DAB1: variants seen among roughly 807,000 people sequenced by gnomAD.
DAB1 encodes DAB adaptor protein 1.
DAB1 carries 15 observed loss-of-function variants against 64.6 expected under a neutral mutation model. The ratio of observed to expected loss-of-function variants is 0.23; its 90% CI spans 0.16 to 0.36. The LOEUF is 0.36. DAB1 is among the 10% of genes least tolerant of loss of function. The pLI is 1.00. For missense variants in DAB1, 596 were observed against 706.7 expected, an observed-to-expected ratio of 0.84 and a Z score of 1.78; for synonymous variants, 235 against 251.9, an observed-to-expected ratio of 0.93 and a Z score of 0.64.
At chr1:58,233,303 A>G (rs1271212978) in intron 4 of DAB1, among the ~76,000 whole-genome samples, 1 of 152,206 alleles carries the variant, frequency 6.6e-6, no homozygotes, top group African/African-American at 2.4e-5. Flanking sequence ...CTTGATGAGT[A>G]GGTATCATTA....
chr1:58,357,184 A>T (rs1644120220), intron 3 of DAB1, among the ~76,000 whole-genome samples: 1 of 152,124 alleles, frequency 6.6e-6, no homozygotes. Flanking sequence ...AGTGGAAGTG[A>T]ATAGAAGTGA....
At chr1:58,300,869 A>G (rs1306857264) in intron 4 of DAB1, among the ~76,000 whole-genome samples, 3 of 152,108 alleles carry the variant, frequency 2.0e-5, no homozygotes, top group African/African-American at 7.2e-5. Context: ...TCCCGCCCAC[A>G]TGCACTCTGT....
At chr1:58,078,364 G>T (rs1216617199) in intron 5 of DAB1, among the ~76,000 whole-genome samples, 1 of 152,176 alleles carries the variant, frequency 6.6e-6, no homozygotes, top group African/African-American at 2.4e-5. Flanking sequence ...TCTAGAAAAT[G>T]GGGATAATTG....
chr1:57,088,392 G>A (rs1653309507), intron 4 of DAB1, among the ~76,000 whole-genome samples: 1 of 152,158 alleles, frequency 6.6e-6, no homozygotes, highest in African/African-American at 2.4e-5. Context: ...GAGTTTCTAA[G>A]AGATCAAAGC....
intron 5 of DAB1, among the ~76,000 whole-genome samples, chr1:58,010,532 C>T (rs570514816): frequency 1.2e-3 from 179 of 152,264 alleles, no homozygotes; most frequent in African/African-American, 3.8e-3. Context: ...AAAAATCTAG[C>T]GCATTTCCCA....
chr1:57,357,891 G>T (rs11207017), intron 1 of DAB1, among the ~76,000 whole-genome samples: 79,984 of 151,682 alleles, frequency 0.53, 21,907 homozygotes, highest in African/African-American at 0.59. Flanking sequence ...ATCCCTCCCC[G>T]AACACATGGG....
chr1:57,723,315 C>A (rs1415450846), intron 6 of DAB1, among the ~76,000 whole-genome samples: 1 of 152,196 alleles, frequency 6.6e-6, no homozygotes, highest in African/African-American at 2.4e-5. Context: ...CAAATGTCAG[C>A]TATTACATGT....
chr1:57,947,688 C>T (rs1645204510), intron 5 of DAB1, among the ~76,000 whole-genome samples: 1 of 152,104 alleles, frequency 6.6e-6, no homozygotes, highest in Non-Finnish European at 1.5e-5. Flanking sequence ...GAACTAAGGC[C>T]CTCAGTGTGC....
At chr1:57,453,251 T>C (rs1245498537) in intron 7 of DAB1, among the ~76,000 whole-genome samples, 1 of 152,204 alleles carries the variant, frequency 6.6e-6, no homozygotes, top group African/African-American at 2.4e-5. Flanking sequence ...AAAGTTTATA[T>C]TCAGTTCCAC....
At chr1:57,651,572 T>C (rs576400649) in intron 6 of DAB1, among the ~76,000 whole-genome samples, 1 of 152,314 alleles carries the variant, frequency 6.6e-6, no homozygotes, top group East Asian at 1.9e-4. Context: ...TAGGTAACTT[T>C]GAACAATTTA....
In DAB1 at chr1:58,495,023, C is replaced by T. The variant is rs533215605; in HGVS notation, n.257+11037G>A. Among the ~76,000 whole-genome samples the T allele has an allele frequency of 2.1e-3, 312 of 152,194 alleles. 1 individual carries two copies. The highest frequency in any genetic ancestry group is 6.3e-3 in the African/African-American group (262 of 41,526). On this transcript the variant is annotated intron_variant and non_coding_transcript_variant, in intron 3 of 20. Transcript: ENST00000485760. ...AGCAAAGACTTGGAACCAACCCAAACGTCCAACAATGATAGACTGGATTAA... is the reference window on the plus strand; with the variant it reads ...AGCAAAGACTTGGAACCAACCCAAATGTCCAACAATGATAGACTGGATTAA...
chr1:57,336,979 A>G (rs1677130532), intron 1 of DAB1, among the ~76,000 whole-genome samples: 1 of 152,110 alleles, frequency 6.6e-6, no homozygotes, highest in African/African-American at 2.4e-5. Flanking sequence ...CAGCTCCTCT[A>G]GGTAGTACTC....
At chr1:57,229,276 C>T (rs1056950688) in intron 2 of DAB1, among the ~76,000 whole-genome samples, 9 of 151,406 alleles carry the variant, frequency 5.9e-5, no homozygotes, top group Non-Finnish European at 8.8e-5. Flanking sequence ...TCACTGCAAC[C>T]TCGACCTCCC....
rs1398588797 is a variant in DAB1, at chr1:57,984,190, AAG to A, written n.388-100030_388-100029del. Among the ~76,000 whole-genome samples, 48 of 50,898 alleles carry A rather than the reference AAG, an allele frequency of 9.4e-4. 2 individuals are homozygous for A. Among genetic ancestry groups the A allele is most frequent in the African/African-American group, 1.7e-3 (30 of 17,752 alleles). 33.4% of individuals were successfully genotyped at this position (50,898 alleles called of 152,430 possible). Reference sequence around the variant, plus strand: ...GCCCAGGACTAGCTTAAAAAAAAGAAAGAAAGAAAGAAAGAAAGAAAGAAAGA... The same window carrying A: ...GCCCAGGACTAGCTTAAAAAAAAGAAAAAGAAAGAAAGAAAGAAAGAAAGA... On this transcript the variant is annotated intron_variant and non_coding_transcript_variant, in intron 5 of 20. Transcript: ENST00000485760.
At chr1:57,682,716 G>C (rs1448272431) in intron 6 of DAB1, among the ~76,000 whole-genome samples, 4 of 152,104 alleles carry the variant, frequency 2.6e-5, no homozygotes, top group Admixed American at 6.5e-5. Context: ...CTTCAGCCAG[G>C]GTGTATGTAG....
chr1:57,820,226 C>A (rs570618174), intron 6 of DAB1, among the ~76,000 whole-genome samples: 1 of 152,154 alleles, frequency 6.6e-6, no homozygotes, highest in African/African-American at 2.4e-5. Flanking sequence ...TGAGAACATG[C>A]ACAATTGTCA....
At chr1:57,885,972 T>C (rs1289594105), upstream of DAB1, among the ~76,000 whole-genome samples, 4 of 152,218 alleles carry the variant, frequency 2.6e-5, no homozygotes, top group African/African-American at 9.6e-5. Context: ...TTATTCTTTC[T>C]GCTTCTCTTT....
intron 1 of DAB1, among the ~76,000 whole-genome samples, chr1:57,845,955 G>C (rs1653260411): frequency 6.6e-6 from 1 of 152,054 alleles, no homozygotes; most frequent in Admixed American, 6.5e-5. Flanking sequence ...ATTTGCCCTA[G>C]GCCCATGGGC....
chr1:57,277,905 C>A (rs1671595953), intron 2 of DAB1, among the ~76,000 whole-genome samples: 1 of 152,126 alleles, frequency 6.6e-6, no homozygotes, highest in East Asian at 1.9e-4. Flanking sequence ...TCTGGTTTAA[C>A]AATTAGAATG....
Sources: gnomAD v4.1 joint callset for allele counts (sites outside exome capture counted in the v4.1 genomes callset) on GRCh38, gnomAD v4.1.1 for gene constraint, MANE v1.5 for transcripts, NCBI Gene and HGNC (gene_info 2026-07-23, HGNC 2026-07-21) for gene names.